The following NAA40 variants were observed in gnomAD, a reference collection of about 807,000 sequenced individuals.
NAA40 encodes the protein N-alpha-acetyltransferase 40, NatD catalytic subunit, also known as N-alpha-acetyltransferase 40.
In NAA40, 26 loss-of-function variants were observed where a neutral mutation model predicts 36.6. The observed-to-expected ratio is 0.71, with a 90% confidence interval of 0.52 to 0.98. NAA40 has a LOEUF of 0.98. NAA40 is among the 50% of genes least tolerant of loss of function. The pLI is 0.00. For synonymous variants in NAA40, 129 were observed against 108.4 expected, an observed-to-expected ratio of 1.19 and a Z score of -1.18; for missense variants, 237 against 306.5, an observed-to-expected ratio of 0.77 and a Z score of 1.69.
intron 1 of NAA40, 48 bp downstream of exon 1, chr11:63,939,150 C>T: frequency 6.4e-7 from 1 of 1,566,048 alleles, no homozygotes; most frequent in Non-Finnish European, 8.7e-7. Flanking sequence ...GCGCTCCTCG[C>T]TACCCTCGCC....
At position 63,954,645 on chromosome 11, in the gene NAA40, TC is replaced by T; in HGVS notation, c.*168del. 1.6e-6 allele frequency: 1 copy of T among 626,252 alleles called. No individual in the cohort carries two copies. The highest frequency in any genetic ancestry group is 2.5e-6 in the Non-Finnish European group (1 of 404,558). 38.8% of individuals were successfully genotyped at this position (626,252 alleles called of 1,614,324 possible). A position where few individuals can be genotyped will look rare whatever the true frequency, so the allele number is the denominator to read the frequency against. ...CCTGGGGAGAAGTGGTATCAGCTGCTCCTCCTCTCCTAGGAGACCAGAGTGC... is the reference window on the plus strand; with the variant it reads ...CCTGGGGAGAAGTGGTATCAGCTGCTCTCCTCTCCTAGGAGACCAGAGTGC... On this transcript the variant is annotated 3_prime_UTR_variant, in exon 8 of 8. Transcript: ENST00000377793.
rs59573507 is a variant in NAA40 at position 63,956,972 on chromosome 11, C to CA, written c.*2507dup. ...TAGGCGACAGAGTGAGACTCCATCT[C>CA]AAAAAAAAAAAAAAGAGAAACATAG... is the stretch of plus-strand genomic sequence containing the variant. On this transcript the variant is annotated 3_prime_UTR_variant, in exon 8 of 8. Transcript: ENST00000377793. 7.1e-3 allele frequency: 838 copies of CA among 118,074 alleles called. 3 individuals carry two copies. The highest frequency in any genetic ancestry group is 0.014 in the African/African-American group (468 of 33,772). The allele number at this position is 118,074 out of a possible 1,614,324, so 7.3% of individuals were successfully genotyped here. A position where few individuals can be genotyped will look rare whatever the true frequency, so the allele number is the denominator to read the frequency against.
At chr11:63,946,214 T>C (rs1270297052) in intron 2 of NAA40, 19 of 409,332 alleles carry the variant, frequency 4.6e-5, no homozygotes, top group Non-Finnish European at 8.1e-5. Context: ...AATTTTTTTT[T>C]CTTTTGTGTG....
At position 63,945,839 on chromosome 11, in the gene NAA40, G is replaced by A. The variant is rs138067800; in HGVS notation, c.7-1G>A. 1.1e-5 allele frequency: 18 copies of A among 1,614,056 alleles called. No individual in the cohort carries two copies. The highest frequency in any genetic ancestry group is 1.4e-5 in the Non-Finnish European group (17 of 1,179,950). On this transcript the variant is annotated splice_acceptor_variant, in intron 1 of 7. Transcript: ENST00000377793. LOFTEE classifies it high-confidence loss of function. ...GCTAACGTTGCTTTTCCCTGTTGCA[G>A]AGAAAGTCAAGCAAAGCCAAGGAGA...
chr11:63,946,804 G>A, intron 2 of NAA40, 147 bp from the exon 3 acceptor site: 4 of 1,557,386 alleles, frequency 2.6e-6, no homozygotes, highest in Non-Finnish European at 3.5e-6. Flanking sequence ...GGCAAATGGT[G>A]GGTTTTGGGA....
In NAA40 at chr11:63,945,938, G is replaced by A. The variant is rs1942179279; in HGVS notation, c.102+3G>A. 1.9e-6 allele frequency: 3 copies of A among 1,613,698 alleles called. No individual in the cohort carries two copies. The highest frequency in any genetic ancestry group is 4.5e-5 in the East Asian group (2 of 44,880). ...CCAAAGTGGACGCTGCCAACAGGGT[G>A]ATTCTCCCTTTCTTCCCAGTCCCTG... On this transcript the variant is annotated splice_donor_region_variant and intron_variant, in intron 2 of 7. Transcript: ENST00000377793.
intron 1 of NAA40, chr11:63,939,518 G>C: frequency 9.0e-6 from 9 of 1,000,656 alleles, no homozygotes; most frequent in Non-Finnish European, 1.1e-5. Flanking sequence ...CCAGAGGAAA[G>C]AAGGCGCCTA....
At position 63,939,016 on chromosome 11, in the gene NAA40, C is replaced by T. The variant is rs949664505; in HGVS notation, c.-81C>T. On this transcript the variant is annotated 5_prime_UTR_variant, in exon 1 of 8. Coordinates refer to ENST00000377793, the MANE Select transcript of NAA40 (RefSeq NM_024771.4). Reference sequence around the variant, plus strand: ...GTTGCAGGGCCGTCCGCTCTGCTGCCGCCGCTGTTGCAGCCACCGCCGTTG... The same window carrying T: ...GTTGCAGGGCCGTCCGCTCTGCTGCTGCCGCTGTTGCAGCCACCGCCGTTG... 11 of 1,435,920 alleles carry T rather than the reference C, an allele frequency of 7.7e-6. No individual in the cohort carries two copies. In the African/African-American group the frequency reaches 9.0e-5, roughly 12 times the overall value. The allele number at this position is 1,435,920 out of a possible 1,614,324, so 88.9% of individuals were successfully genotyped here. A position where few individuals can be genotyped will look rare whatever the true frequency, so the allele number is the denominator to read the frequency against.
intron 1 of NAA40, among the ~76,000 whole-genome samples, chr11:63,940,954 C>CTT (rs1942099344): frequency 6.6e-6 from 1 of 152,170 alleles, no homozygotes; most frequent in South Asian, 2.1e-4. Flanking sequence ...CAGAAGCAGC[C>CTT]ACTGCGGATT....
Position 63,939,117 on chromosome 11 carries a change from G to A in NAA40, c.6+15G>A, listed in dbSNP as rs553550359. On this transcript the variant is annotated intron_variant, in intron 1 of 7. Coordinates refer to ENST00000377793, the MANE Select transcript of NAA40 (RefSeq NM_024771.4). The stretch of plus-strand genomic sequence containing the variant: ...CCGCTATGGGGGTGAGTGAGGCAGA[G>A]AGAGGAGATGGGAGGTCCAGGGGCG... The A allele has an allele frequency of 1.9e-6, 3 of 1,604,790 alleles. No individual in the cohort carries two copies. The highest frequency in any genetic ancestry group is 2.7e-5 in the African/African-American group (2 of 73,314).
intron 6 of NAA40, among the ~76,000 whole-genome samples, chr11:63,953,260 G>T (rs1021811739): frequency 6.6e-6 from 1 of 151,960 alleles, no homozygotes; most frequent in African/African-American, 2.4e-5. Flanking sequence ...GTTAAGGCTG[G>T]TCTCGAACTC....
Position 63,945,947 on chromosome 11 carries a change from T to C in NAA40, c.102+12T>C. The stretch of plus-strand genomic sequence containing the variant: ...ACGCTGCCAACAGGGTGATTCTCCC[T>C]TTCTTCCCAGTCCCTGCCTCCTGGG... On this transcript the variant is annotated intron_variant, in intron 2 of 7. Coordinates refer to ENST00000377793, the MANE Select transcript of NAA40 (RefSeq NM_024771.4). 1.2e-6 allele frequency: 2 copies of C among 1,612,388 alleles called. No individual in the cohort carries two copies. The highest frequency in any genetic ancestry group is 1.7e-6 in the Non-Finnish European group (2 of 1,178,482).
chr11:63,945,831 C>G lies in NAA40; in HGVS notation c.7-9C>G, dbSNP rs61184552. The G allele has an allele frequency of 6.2e-7, 1 of 1,613,478 alleles. No homozygotes were observed. Among genetic ancestry groups the G allele is most frequent in the Admixed American group, 1.7e-5 (1 of 59,992 alleles). ...CCATTCCAGCTAACGTTGCTTTTCC[C>G]TGTTGCAGAGAAAGTCAAGCAAAGC... On this transcript the variant is annotated splice_polypyrimidine_tract_variant and intron_variant, in intron 1 of 7. Coordinates refer to ENST00000377793, the MANE Select transcript of NAA40 (RefSeq NM_024771.4).
intron 6 of NAA40, among the ~76,000 whole-genome samples, chr11:63,953,733 C>T (rs1226664513): frequency 2.0e-5 from 3 of 152,160 alleles, no homozygotes; most frequent in Admixed American, 2.0e-4. Flanking sequence ...GATCCTCTAG[C>T]CTCAGCCTCT....
At chr11:63,946,903 C>T (rs199849714) in intron 2 of NAA40, 48 bp from the exon 3 acceptor site, 6 of 1,611,268 alleles carry the variant, frequency 3.7e-6, no homozygotes, top group African/African-American at 1.3e-5. Context: ...AGGATCTGCA[C>T]CTCCGCCCCA....
intron 6 of NAA40, among the ~76,000 whole-genome samples, chr11:63,953,057 T>TTA (rs1942307426): frequency 6.7e-6 from 1 of 149,576 alleles, no homozygotes; most frequent in Admixed American, 6.7e-5. Flanking sequence ...TTTTTTTTTT[T>TTA]TTTTTTTTGA....
At chr11:63,953,136 CG>C (rs1204769751) in intron 6 of NAA40, among the ~76,000 whole-genome samples, 1 of 151,264 alleles carries the variant, frequency 6.6e-6, no homozygotes, top group Non-Finnish European at 1.5e-5. Context: ...GCAGCCTCCA[CG>C]TACCGGGTTT....
rs915951580 is a variant in NAA40 at position 63,946,700 on chromosome 11, A to T, written c.103-251A>T. The T allele has an allele frequency of 3.3e-6, 5 of 1,501,832 alleles. No homozygotes were observed. In the African/African-American group the frequency reaches 6.9e-5, roughly 21 times the overall value. 93.0% of individuals were successfully genotyped at this position (1,501,832 alleles called of 1,614,324 possible). A position where few individuals can be genotyped will look rare whatever the true frequency, so the allele number is the denominator to read the frequency against. On this transcript the variant is annotated intron_variant, in intron 2 of 7. Coordinates refer to ENST00000377793, the MANE Select transcript of NAA40 (RefSeq NM_024771.4). ...GAGCAGGTTGTATGCCCACAGGCTA[A>T]TGAGGTCTCCTCTTGCCCTGTCAGG...
chr11:63,946,916 T>A (rs1942196693), intron 2 of NAA40, 35 bp from the exon 3 acceptor site: 2 of 1,612,950 alleles, frequency 1.2e-6, no homozygotes, highest in African/African-American at 2.7e-5. Flanking sequence ...CCGCCCCACT[T>A]GTCTGTGCTG....
Sources: gnomAD v4.1 joint callset for allele counts (sites outside exome capture counted in the v4.1 genomes callset) on GRCh38, gnomAD v4.1.1 for gene constraint, MANE v1.5 for transcripts, NCBI Gene and HGNC (gene_info 2026-07-23, HGNC 2026-07-21) for gene names.